The following GRK5 variants were observed in gnomAD, a reference collection of about 807,000 sequenced individuals.
GRK5 encodes the protein g protein-coupled receptor kinase GRK5.
GRK5 carries 40 observed loss-of-function variants against 78.4 expected under a neutral mutation model. The ratio of observed to expected loss-of-function variants is 0.51; its 90% CI spans 0.40 to 0.66. The LOEUF (loss-of-function observed/expected upper bound fraction) is 0.66. GRK5 is among the 30% of genes least tolerant of loss of function. The pLI, the probability that GRK5 is intolerant of heterozygous loss-of-function variation, is 0.00. For synonymous variants in GRK5, 289 were observed against 296.8 expected (o/e 0.97, Z 0.27); for missense variants, 598 against 759.9 (o/e 0.79, Z 2.50).
In GRK5 at chr10:119,265,832, C is replaced by T. The variant is rs559313127; in HGVS notation, c.52+57863C>T. Among the ~76,000 whole-genome samples the T allele has an allele frequency of 1.2e-3, 183 of 152,364 alleles. 1 individual carries two copies. The highest frequency in any genetic ancestry group is 4.1e-3 in the African/African-American group (171 of 41,586). On this transcript the variant is annotated intron_variant, in intron 1 of 15. Coordinates refer to ENST00000392870, the MANE Select transcript of GRK5 (RefSeq NM_005308.3). ...TTCTTGTCCAGAACCACTGGCCACACGCCCTCTCAGCCGCACTCAATGCCA... is the reference window on the plus strand; with the variant it reads ...TTCTTGTCCAGAACCACTGGCCACATGCCCTCTCAGCCGCACTCAATGCCA...
intron 1 of GRK5, among the ~76,000 whole-genome samples, chr10:119,324,501 A>G (rs1025211052): frequency 1.2e-4 from 19 of 152,270 alleles, no homozygotes; most frequent in Non-Finnish European, 1.9e-4. Context: ...GGTGGTGCAC[A>G]TCTGTATTCC....
At chr10:119,303,121 G>T (rs1850211433) in intron 1 of GRK5, among the ~76,000 whole-genome samples, 1 of 152,198 alleles carries the variant, frequency 6.6e-6, no homozygotes, top group Non-Finnish European at 1.5e-5. Flanking sequence ...GTCCGGTATT[G>T]TTCTAGGATC....
intron 3 of GRK5, among the ~76,000 whole-genome samples, chr10:119,381,661 T>G (rs1851711707): frequency 6.6e-6 from 1 of 152,222 alleles, no homozygotes; most frequent in Non-Finnish European, 1.5e-5. Flanking sequence ...TTCAGCCAAC[T>G]GCCCTTGGGT....
At chr10:119,362,439 G>A (rs1030695434) in intron 2 of GRK5, among the ~76,000 whole-genome samples, 1 of 152,238 alleles carries the variant, frequency 6.6e-6, no homozygotes, top group Non-Finnish European at 1.5e-5. Context: ...GTTGCCTCGA[G>A]TTCCTGGAAC....
At chr10:119,284,921 T>G (rs982832302) in intron 1 of GRK5, among the ~76,000 whole-genome samples, 1 of 152,222 alleles carries the variant, frequency 6.6e-6, no homozygotes, top group African/African-American at 2.4e-5. Flanking sequence ...GAGCTCCCCA[T>G]CCTGGGCTGC....
chr10:119,360,539 A>AGAGCCTGTGTGAGTGGGAG, intron 2 of GRK5, among the ~76,000 whole-genome samples: 1 of 145,454 alleles, frequency 6.9e-6, no homozygotes, highest in South Asian at 2.2e-4. Flanking sequence ...GTGAGTGGGA[A>AGAGCCTGTGTGAGTGGGAG]GAGCCTGTGT....
At chr10:119,275,024 CTGTAAAATGAGCTCATGA>C (rs2133680139) in intron 1 of GRK5, among the ~76,000 whole-genome samples, 1 of 152,302 alleles carries the variant, frequency 6.6e-6, no homozygotes, top group Non-Finnish European at 1.5e-5. Flanking sequence ...GCTTCCTCAC[CTGTAAAATGAGCTCATGA>C]TAGACCCAGC....
At chr10:119,406,792 A>G (rs961056279) in intron 4 of GRK5, among the ~76,000 whole-genome samples, 3 of 152,328 alleles carry the variant, frequency 2.0e-5, no homozygotes, top group African/African-American at 7.2e-5. Context: ...AAGCAACAGT[A>G]GTGAGGGACA....
intron 1 of GRK5, among the ~76,000 whole-genome samples, chr10:119,262,951 G>A (rs1589709756): frequency 6.6e-6 from 1 of 152,166 alleles, no homozygotes; most frequent in African/African-American, 2.4e-5. Flanking sequence ...TGAGGAAAAG[G>A]GTTCTATGGT....
At chr10:119,389,284 T>C (rs530614434) in intron 3 of GRK5, among the ~76,000 whole-genome samples, 1 of 152,354 alleles carries the variant, frequency 6.6e-6, no homozygotes, top group African/African-American at 2.4e-5. Flanking sequence ...TGTGAAATGA[T>C]CCACTCTGCC....
At chr10:119,373,232 G>A (rs760129212) in intron 2 of GRK5, among the ~76,000 whole-genome samples, 1 of 152,226 alleles carries the variant, frequency 6.6e-6, no homozygotes, top group Non-Finnish European at 1.5e-5. Context: ...AAACTGGAGA[G>A]TATGTTAAAA....
At chr10:119,305,981 T>C (rs1447696304) in intron 1 of GRK5, among the ~76,000 whole-genome samples, 1 of 152,126 alleles carries the variant, frequency 6.6e-6, no homozygotes, top group Non-Finnish European at 1.5e-5. Flanking sequence ...GTATCTCTGC[T>C]CTCAGCCACC....
chr10:119,303,648 G>C (rs1850223491), intron 1 of GRK5, among the ~76,000 whole-genome samples: 1 of 152,162 alleles, frequency 6.6e-6, no homozygotes, highest in Non-Finnish European at 1.5e-5. Context: ...GTTGCTTTGG[G>C]TTTGCATAAC....
At position 119,442,077 on chromosome 10, in the gene GRK5, T is replaced by G. The variant is rs1240241273; in HGVS notation, c.1046T>G (p.Val349Gly). The G allele has an allele frequency of 6.2e-7, 1 of 1,613,656 alleles. No homozygotes were observed. The highest frequency in any genetic ancestry group is 1.3e-5 in the African/African-American group (1 of 74,916). ...GDLIRGRVGT[V>G]GYMAPEVLNN... ...CTGATCCGCGGCCGGGTGGGCACTG[T>G]TGGCTACATGGGTGAGTGCTGGGCT... Residue 349 changes from valine (V) to glycine (G), a missense_variant, in exon 11 of 16, where the codon GTT (valine) becomes GGT (glycine). Physicochemically the swap from Val to Gly is moderately radical, Grantham distance 109. Transcript: ENST00000392870.
chr10:119,411,740 A>G (rs2133870532), intron 4 of GRK5, among the ~76,000 whole-genome samples: 1 of 151,982 alleles, frequency 6.6e-6, no homozygotes, highest in African/African-American at 2.4e-5. Flanking sequence ...AGCATTCTGT[A>G]GCTCCCAGGA....
At chr10:119,446,159 CCTT>C (rs1853144336) in intron 12 of GRK5, among the ~76,000 whole-genome samples, 1 of 152,194 alleles carries the variant, frequency 6.6e-6, no homozygotes, top group Non-Finnish European at 1.5e-5. Context: ...CCAGCTCACA[CCTT>C]CTCTTCCTCT....
intron 4 of GRK5, among the ~76,000 whole-genome samples, chr10:119,401,363 C>T (rs72837519): frequency 0.013 from 2,032 of 152,324 alleles, 10 homozygotes; most frequent in Middle Eastern, 0.02. Context: ...CTGCATCAGT[C>T]GCCCATACAA....
At chr10:119,288,180 G>A (rs1272450557) in intron 1 of GRK5, among the ~76,000 whole-genome samples, 1 of 152,220 alleles carries the variant, frequency 6.6e-6, no homozygotes, top group Non-Finnish European at 1.5e-5. Context: ...CTTTCTGCCT[G>A]CAGAGCCTCC....
At chr10:119,234,685 CTTCTT>C (rs1303774286) in intron 1 of GRK5, among the ~76,000 whole-genome samples, 2 of 130,866 alleles carry the variant, frequency 1.5e-5, no homozygotes, top group Admixed American at 7.6e-5. Flanking sequence ...TCTTTTCTTT[CTTCTT>C]TTCTTTTCTT....
Sources: gnomAD v4.1 joint callset for allele counts (sites outside exome capture counted in the v4.1 genomes callset) on GRCh38, gnomAD v4.1.1 for gene constraint, MANE v1.5 for transcripts, NCBI Gene and HGNC (gene_info 2026-07-23, HGNC 2026-07-21) for gene names.